Variants in CRACR2B observed in about 807,000 individuals in gnomAD.
CRACR2B encodes the protein calcium release activated channel regulator 2B, also known as EF-hand calcium-binding domain-containing protein 4A.
CRACR2B carries 50 observed loss-of-function variants against 46.0 expected under a neutral mutation model. The observed-to-expected ratio is 1.09, with a 90% CI of 0.87 to 1.38. The LOEUF is 1.38. Among genes scored for constraint, CRACR2B ranks in the 40% most tolerant of loss-of-function variants. The pLI is 0.00. For missense variants in CRACR2B, 667 were observed against 535.0 expected, an observed-to-expected ratio of 1.25 and a Z score of -2.43; for synonymous variants, 277 against 239.6, an observed-to-expected ratio of 1.16 and a Z score of -1.44.
At chr11:829,064 C>A (rs1220758853) in intron 2 of CRACR2B, 101 bp downstream of exon 2, 1 of 1,467,316 alleles carries the variant, frequency 6.8e-7, no homozygotes, top group Non-Finnish European at 9.3e-7. Flanking sequence ...GCCTCTCGTC[C>A]TCCTCCCTCC....
chr11:829,491 C>T lies in CRACR2B; in HGVS notation c.409C>T (p.Arg137Ter), dbSNP rs1310498620. 1 of 1,607,158 alleles carries T rather than the reference C, an allele frequency of 6.2e-7. No homozygotes were observed. ...SLDEEEEEEE[R>*]FHTVLEQLGV... ...GGATGAGGAGGAGGAAGAGGAGGAG[C>T]GATTCCACACTGTGCTGGAGCAGCT... The change falls in exon 3 of 9, where the codon CGA becomes TGA. Residue 137 changes from arginine (R) to a stop codon, truncating the protein, a stop_gained. Transcript: ENST00000525077. LOFTEE classifies it high-confidence loss of function.
At chr11:829,652 C>G (rs1341036480) in intron 3 of CRACR2B, 112 bp downstream of exon 3, 3 of 1,223,494 alleles carry the variant, frequency 2.5e-6, no homozygotes, top group Non-Finnish European at 3.3e-6. Context: ...TAGGCCGGGT[C>G]AGGCCCAGCC....
At position 830,554 on chromosome 11, in the gene CRACR2B, C is replaced by T. The variant is rs759889765; in HGVS notation, c.694-67C>T. On this transcript the variant is annotated intron_variant, in intron 5 of 8. Transcript: ENST00000525077. The stretch of plus-strand genomic sequence containing the variant: ...CCCGGGCCCACTCCCAGCCCCTGGC[C>T]CTCCGTGTACCTCTTTTGCATGGCC... The T allele has an allele frequency of 7.1e-6, 11 of 1,547,132 alleles. No homozygotes were observed. In the South Asian group the frequency reaches 1.1e-4, roughly 15 times the overall value.
At chr11:826,442 A>G (rs376266657), upstream of CRACR2B, among the ~76,000 whole-genome samples, 36 of 152,364 alleles carry the variant, frequency 2.4e-4, no homozygotes, top group African/African-American at 6.3e-4. Context: ...AGGAGGGGCT[A>G]CTGAGGTGGG....
chr11:827,429 G>A (rs1005866074), upstream of CRACR2B: 8 of 534,764 alleles, frequency 1.5e-5, no homozygotes, highest in Admixed American at 6.4e-5. Flanking sequence ...CGGGAACTCC[G>A]GTTACCCCCT....
chr11:831,360 A>C (rs2045053852), intron 8 of CRACR2B, 65 bp downstream of exon 8: 12 of 1,545,320 alleles, frequency 7.8e-6, no homozygotes, highest in Non-Finnish European at 9.6e-6. Context: ...CCAGCTCCCC[A>C]ACATTCTTGG....
intron 7 of CRACR2B, 54 bp downstream of exon 7, chr11:831,086 G>T (rs1297208507): frequency 9.1e-6 from 14 of 1,542,514 alleles, no homozygotes; most frequent in Non-Finnish European, 1.2e-5. Context: ...GGGCGGGGCC[G>T]ACGGGCGCTC....
chr11:829,359 G>C lies in CRACR2B; in HGVS notation c.278-1G>C. ...GGTAATCGCTCGCTCCATGCCCGCA[G>C]GGATGTTTGTGGGGGTGGCGTCAGC... On this transcript the variant is annotated splice_acceptor_variant, in intron 2 of 8. Coordinates refer to ENST00000525077, the MANE Select transcript of CRACR2B (RefSeq NM_001286606.2). LOFTEE classifies it high-confidence loss of function. The C allele has an allele frequency of 6.2e-7, 1 of 1,604,516 alleles. No homozygotes were observed. Among genetic ancestry groups the C allele is most frequent in the Non-Finnish European group, 8.5e-7 (1 of 1,177,250 alleles).
intron 8 of CRACR2B, 75 bp downstream of exon 8, chr11:831,370 G>T: frequency 6.5e-7 from 1 of 1,533,998 alleles, no homozygotes; most frequent in Admixed American, 2.4e-5. Context: ...AACATTCTTG[G>T]CTGCCGCTCT....
In CRACR2B at chr11:831,258, G is replaced by C. The variant is rs768514186; in HGVS notation, c.988G>C (p.Glu330Gln). Reference protein sequence around the residue: ...VVAVSRNMQKEKVSLLRQLEL... With the variant: ...VVAVSRNMQKQKVSLLRQLEL... ...CGCCGTCTCCAGGAACATGCAGAAA[G>C]AGAAAGTCAGCCTGCTACGGCAACT... Residue 330 changes from glutamate (E) to glutamine (Q), a missense_variant, in exon 8 of 9, where the codon GAG becomes CAG. By Grantham distance (29) the Glu-to-Gln change is conservative. Transcript: ENST00000525077. 1 of 1,611,062 alleles carries C rather than the reference G, an allele frequency of 6.2e-7. No homozygotes were observed. The highest frequency in any genetic ancestry group is 1.3e-5 in the African/African-American group (1 of 74,824).
chr11:830,495 C>A, intron 5 of CRACR2B, 126 bp from the exon 6 acceptor site: 1 of 1,538,120 alleles, frequency 6.5e-7, no homozygotes, highest in Non-Finnish European at 8.7e-7. Flanking sequence ...CACGTATCAC[C>A]CCCGTCCGGT....
chr11:829,656 C>A, intron 3 of CRACR2B, 116 bp downstream of exon 3: 2 of 1,207,576 alleles, frequency 1.7e-6, no homozygotes, highest in African/African-American at 1.5e-5. Context: ...CCGGGTCAGG[C>A]CCAGCCTAGC....
chr11:826,839 G>A (rs116721039), upstream of CRACR2B, among the ~76,000 whole-genome samples: 3,932 of 152,268 alleles, frequency 0.026, 155 homozygotes, highest in African/African-American at 0.083. Flanking sequence ...TTAAAAACCG[G>A]GAAAGTATAG....
chr11:826,447 G>A (rs981813337), upstream of CRACR2B, among the ~76,000 whole-genome samples: 1 of 152,246 alleles, frequency 6.6e-6, no homozygotes, highest in African/African-American at 2.4e-5. Context: ...GGGCTACTGA[G>A]GTGGGACCTG....
Position 831,549 on chromosome 11 carries a change from G to T in CRACR2B, c.1040G>T (p.Arg347Leu). The T allele has an allele frequency of 6.3e-7, 1 of 1,598,006 alleles. No individual in the cohort carries two copies. The stretch of plus-strand genomic sequence containing the variant: ...TCCTTCCCTAGGGAGCTGAATACAC[G>T]GCTGCGGGATGACAGGGACGCCTGC... ...QLELLRELNT[R>L]LRDDRDACEA... The change falls in exon 9 of 9, where the codon CGG becomes CTG. Residue 347 changes from arginine (R) to leucine (L), a missense_variant. Physicochemically the swap from Arg to Leu is moderately radical, Grantham distance 102 (BLOSUM62 -2). Transcript: ENST00000525077.
At chr11:829,630 G>T in intron 3 of CRACR2B, 90 bp downstream of exon 3, 1 of 1,355,202 alleles carries the variant, frequency 7.4e-7, no homozygotes, top group Non-Finnish European at 9.8e-7. Context: ...TGCTGGTTCT[G>T]CACAGGGTCT....
chr11:828,837 T>G lies in CRACR2B; in HGVS notation c.166-15T>G. 1 of 1,611,208 alleles carries G rather than the reference T, an allele frequency of 6.2e-7. No homozygotes were observed. The highest frequency in any genetic ancestry group is 8.5e-7 in the Non-Finnish European group (1 of 1,179,530). ...TGACCGCAGCGGCTCATCTCTGCTCTCCTTCCCCGACCAGGGTCTCCAGAG... is the reference window on the plus strand; with the variant it reads ...TGACCGCAGCGGCTCATCTCTGCTCGCCTTCCCCGACCAGGGTCTCCAGAG... On this transcript the variant is annotated splice_polypyrimidine_tract_variant and intron_variant, in intron 1 of 8. Coordinates refer to ENST00000525077, the MANE Select transcript of CRACR2B (RefSeq NM_001286606.2).
intron 3 of CRACR2B, 49 bp from the exon 4 acceptor site, chr11:829,937 T>TGCTTCCCGCTTCTGCCA: frequency 6.5e-7 from 1 of 1,531,244 alleles, no homozygotes; most frequent in Non-Finnish European, 8.7e-7. Flanking sequence ...GAGGGAAGCC[T>TGCTTCCCGCTTCTGCCA]GCTTCCCGCT....
intron 4 of CRACR2B, 31 bp downstream of exon 4, chr11:830,163 TGGAG>T: frequency 1.3e-6 from 2 of 1,514,906 alleles, no homozygotes; most frequent in Non-Finnish European, 1.8e-6. Flanking sequence ...TGGGGGCCAA[TGGAG>T]GGCCTCAGGG....
Sources: gnomAD v4.1 joint callset for allele counts (sites outside exome capture counted in the v4.1 genomes callset) on GRCh38, gnomAD v4.1.1 for gene constraint, MANE v1.5 for transcripts, NCBI Gene and HGNC (gene_info 2026-07-23, HGNC 2026-07-21) for gene names.